Variants in CIDEC observed in about 807,000 individuals in gnomAD.
CIDEC encodes the protein lipid transferase CIDEC.
CIDEC carries 11 observed loss-of-function variants against 21.9 expected under a neutral mutation model. The observed-to-expected ratio is 0.50, with a 90% confidence interval of 0.32 to 0.83. The LOEUF is 0.83. Among genes scored for constraint, CIDEC ranks in the 40% least tolerant of loss-of-function variants. The pLI is 0.04. For synonymous variants in CIDEC, 127 were observed against 124.9 expected, an observed-to-expected ratio of 1.02 and a Z score of -0.11; for missense variants, 302 against 302.3, an observed-to-expected ratio of 1.00 and a Z score of 0.01.
intron 6 of CIDEC, among the ~76,000 whole-genome samples, chr3:9,868,070 T>TGAAA: frequency 6.6e-6 from 1 of 152,202 alleles, no homozygotes. Flanking sequence ...ACTGAGGTGG[T>TGAAA]AGCACTAAAA....
intron 4 of CIDEC, among the ~76,000 whole-genome samples, chr3:9,875,286 A>G (rs1453039819): frequency 6.6e-6 from 1 of 151,290 alleles, no homozygotes; most frequent in African/African-American, 2.4e-5. Context: ...CTGAGGCAGG[A>G]GAATGGTGGG....
intron 3 of CIDEC, 112 bp from the exon 4 acceptor site, chr3:9,877,331 C>T (rs1445524651): frequency 2.9e-6 from 3 of 1,027,548 alleles, no homozygotes; most frequent in Non-Finnish European, 4.4e-6. Flanking sequence ...CAGTCAACCC[C>T]CCATCACCTG....
Position 9,879,071 on chromosome 3 carries a change from A to T in CIDEC, c.-138-17T>A, listed in dbSNP as rs897440481. On this transcript the variant is annotated splice_polypyrimidine_tract_variant and intron_variant, in intron 1 of 6. Coordinates refer to ENST00000336832, the MANE Select transcript of CIDEC (RefSeq NM_001321142.2). ...AAGAACATTCTGTGATGATAGAGGC[A>T]TGCCTTGTACATACTCTCCAATACC... 1.1e-5 allele frequency: 6 copies of T among 560,312 alleles called. No homozygotes were observed. In the African/African-American group the frequency reaches 1.1e-4, roughly 11 times the overall value. 34.7% of individuals were successfully genotyped at this position (560,312 alleles called of 1,614,324 possible).
intron 4 of CIDEC, among the ~76,000 whole-genome samples, chr3:9,875,921 A>G (rs973923756): frequency 2.0e-5 from 3 of 152,240 alleles, no homozygotes; most frequent in African/African-American, 7.2e-5. Context: ...AGTCCAGGTT[A>G]GAGTATGAAC....
At chr3:9,875,389 A>AG (rs1421254974) in intron 4 of CIDEC, among the ~76,000 whole-genome samples, 1 of 151,760 alleles carries the variant, frequency 6.6e-6, no homozygotes, top group Admixed American at 6.6e-5. Context: ...AAAAAAAAAA[A>AG]AAAAGAAAAA....
intron 4 of CIDEC, among the ~76,000 whole-genome samples, chr3:9,875,339 T>G (rs991826132): frequency 3.4e-4 from 48 of 140,258 alleles, no homozygotes; most frequent in African/African-American, 1.2e-3. Flanking sequence ...ATAGCACCAC[T>G]GCACTCCAGC....
At chr3:9,874,762 G>A (rs369514295) in intron 4 of CIDEC, among the ~76,000 whole-genome samples, 10 of 151,792 alleles carry the variant, frequency 6.6e-5, no homozygotes, top group Non-Finnish European at 8.8e-5. Context: ...ACAGGGTCTC[G>A]CTCTGTCACA....
At chr3:9,868,182 C>T (rs140091701) in intron 6 of CIDEC, among the ~76,000 whole-genome samples, 3,044 of 152,226 alleles carry the variant, frequency 0.02, 93 homozygotes, top group African/African-American at 0.065. Flanking sequence ...CTGAGATGCC[C>T]GGAACCTCCC....
chr3:9,879,409 T>G (rs1017335798), intron 1 of CIDEC, among the ~76,000 whole-genome samples: 4 of 152,190 alleles, frequency 2.6e-5, no homozygotes, highest in African/African-American at 7.2e-5. Flanking sequence ...TGACCTCAGG[T>G]GATCTCCCTG....
Position 9,866,897 on chromosome 3 carries a change from G to T in CIDEC, c.*237C>A. The T allele has an allele frequency of 1.6e-6, 1 of 632,428 alleles. No individual in the cohort carries two copies. Among genetic ancestry groups the T allele is most frequent in the Non-Finnish European group, 2.9e-6 (1 of 350,456 alleles). The allele number at this position is 632,428 out of a possible 1,614,324, so 39.2% of individuals were successfully genotyped here. A position where few individuals can be genotyped will look rare whatever the true frequency, so the allele number is the denominator to read the frequency against. Reference sequence around the variant, plus strand: ...GAGGGACAGACTTCAGGACCAGTCTGGATGGGCTAAGCTGCCTTGGGCAGG... The same window carrying T: ...GAGGGACAGACTTCAGGACCAGTCTTGATGGGCTAAGCTGCCTTGGGCAGG... On this transcript the variant is annotated 3_prime_UTR_variant, in exon 7 of 7. Coordinates refer to ENST00000336832, the MANE Select transcript of CIDEC (RefSeq NM_001321142.2).
chr3:9,870,023 A>G lies in CIDEC; in HGVS notation c.413T>C (p.Ile138Thr), dbSNP rs1458157375. ...ATCAAACGTTACACGGGCCACATCAATCTTCTTGGCAGGCTTATGGGAGAG... is the reference window on the plus strand; with the variant it reads ...ATCAAACGTTACACGGGCCACATCAGTCTTCTTGGCAGGCTTATGGGAGAG... ...LSLSHKPAKKIDVARVTFDLY... is the reference protein window; with the variant it reads ...LSLSHKPAKKTDVARVTFDLY... Residue 138 changes from isoleucine to threonine, a missense_variant, in exon 6 of 7, where the codon ATT becomes ACT. By Grantham distance (89) the Ile-to-Thr change is moderately conservative (BLOSUM62 -1). Coordinates refer to ENST00000336832, the MANE Select transcript of CIDEC (RefSeq NM_001321142.2). 4 of 1,614,074 alleles carry G rather than the reference A, an allele frequency of 2.5e-6. No individual in the cohort carries two copies. The African/African-American group carries it at 4.0e-5, about 16-fold the overall frequency.
chr3:9,870,957 T>A (rs1452525772), intron 4 of CIDEC, among the ~76,000 whole-genome samples: 1 of 152,140 alleles, frequency 6.6e-6, no homozygotes, highest in East Asian at 1.9e-4. Context: ...ATTCTTTTTT[T>A]TTTTTGGCTA....
In CIDEC at chr3:9,870,194, C is replaced by T. The variant is rs758500273; in HGVS notation, c.336G>A (p.Lys112=). ...CTGATGGGGGCTGCCATTTCTGCCC[C>T]TTCTGGAGGACCATGAACACTGTAT... ...AGDTVFMVLQ[K]GQKWQPPSEQ... Residue 112 remains lysine (K), a synonymous_variant, in exon 5 of 7, where the codon AAG becomes AAA. Transcript: ENST00000336832. The T allele has an allele frequency of 1.7e-5, 28 of 1,614,074 alleles. No homozygotes were observed. The African/African-American group carries it at 3.3e-4, about 19-fold the overall frequency.
In CIDEC at chr3:9,867,123, G is replaced by C. The variant is rs201832167; in HGVS notation, c.*11C>G. 42 of 1,612,792 alleles carry C rather than the reference G, an allele frequency of 2.6e-5. No homozygotes were observed. In the African/African-American group the frequency reaches 5.5e-4, roughly 21 times the overall value. On this transcript the variant is annotated 3_prime_UTR_variant, in exon 7 of 7. Coordinates refer to ENST00000336832, the MANE Select transcript of CIDEC (RefSeq NM_001321142.2). ...TCCTTCACTGGGGAAAGCTTCCAAG[G>C]ACTTGGGCTTTCACTGCAGTATCTT...
chr3:9,869,402 C>T (rs1446622908), intron 6 of CIDEC, among the ~76,000 whole-genome samples: 1 of 152,032 alleles, frequency 6.6e-6, no homozygotes, highest in Non-Finnish European at 1.5e-5. Context: ...AGGCATGCAC[C>T]ACGATGTCCA....
In CIDEC at chr3:9,877,065, C is replaced by T; in HGVS notation, c.207+1G>A. 1 of 1,551,516 alleles carries T rather than the reference C, an allele frequency of 6.4e-7. No individual in the cohort carries two copies. The highest frequency in any genetic ancestry group is 8.7e-7 in the Non-Finnish European group (1 of 1,146,426). Reference sequence around the variant, plus strand: ...GCTGTGCAACGCGCAGGTGCTCTCACCTTGAGGAGGAGGTCCTCAAGACTG... The same window carrying T: ...GCTGTGCAACGCGCAGGTGCTCTCATCTTGAGGAGGAGGTCCTCAAGACTG... On this transcript the variant is annotated splice_donor_variant, in intron 4 of 6. Transcript: ENST00000336832. LOFTEE classifies it high-confidence loss of function.
rs745983070 is a variant in CIDEC at position 9,870,190 on chromosome 3, G to C, written c.340C>G (p.Gln114Glu). The C allele has an allele frequency of 8.0e-5, 129 of 1,614,162 alleles. 1 individual carries two copies. The highest frequency in any genetic ancestry group is 5.9e-5 in the Non-Finnish European group (70 of 1,180,018). ...DTVFMVLQKG[Q>E]KWQPPSEQGT... ...TGTTCTGATGGGGGCTGCCATTTCT[G>C]CCCCTTCTGGAGGACCATGAACACT... The change falls in exon 5 of 7, where the codon CAG (glutamine) becomes GAG (glutamate). Residue 114 changes from glutamine (Q) to glutamate (E), a missense_variant. Transcript: ENST00000336832.
intron 6 of CIDEC, 22 bp from the exon 7 acceptor site, chr3:9,867,318 G>T (rs535895250): frequency 1.2e-6 from 2 of 1,613,466 alleles, no homozygotes; most frequent in Non-Finnish European, 1.7e-6. Flanking sequence ...GAGAGGGCAC[G>T]CAAGTCAAAA....
At chr3:9,873,041 C>T (rs1039957297) in intron 4 of CIDEC, among the ~76,000 whole-genome samples, 5 of 151,534 alleles carry the variant, frequency 3.3e-5, no homozygotes, top group Non-Finnish European at 7.4e-5. Context: ...TTTGTTTTTG[C>T]TTATTTTGTT....
Sources: allele counts gnomAD v4.1 joint callset (sites outside exome capture counted in the v4.1 genomes callset), GRCh38; gene constraint gnomAD v4.1.1; transcripts MANE v1.5; gene names NCBI Gene and HGNC (gene_info 2026-07-23, HGNC 2026-07-21).